C12orf42: variants seen among roughly 807,000 people sequenced by gnomAD.
C12orf42 encodes the protein uncharacterized protein C12orf42.
In C12orf42, 25 loss-of-function variants were observed where a neutral mutation model predicts 21.6. The ratio of observed to expected loss-of-function variants is 1.16; its 90% confidence interval spans 0.84 to 1.62. The LOEUF (loss-of-function observed/expected upper bound fraction) is 1.62, where lower values mean the gene tolerates loss of function less well. Among genes scored for constraint, C12orf42 ranks in the 40% most tolerant of loss-of-function variants. The pLI, the probability that C12orf42 is intolerant of heterozygous loss-of-function variation, is 0.00. For missense variants in C12orf42, 483 were observed against 459.3 expected, an observed-to-expected ratio of 1.05 and a Z score of -0.47; for synonymous variants, 174 against 175.0, an observed-to-expected ratio of 0.99 and a Z score of 0.05.
the C12orf42 span, among the ~76,000 whole-genome samples, chr12:103,171,658 G>C: frequency 6.6e-6 from 1 of 152,092 alleles, no homozygotes; most frequent in East Asian, 1.9e-4. Flanking sequence ...AGGCATTAGA[G>C]AGACAGTGGT....
chr12:103,173,244 A>G, the C12orf42 span, among the ~76,000 whole-genome samples: 1 of 152,142 alleles, frequency 6.6e-6, no homozygotes, highest in Non-Finnish European at 1.5e-5. Flanking sequence ...TATCCAGTTT[A>G]ATGTTTTTTA....
chr12:103,109,295 A>T, the C12orf42 span, among the ~76,000 whole-genome samples: 2 of 152,126 alleles, frequency 1.3e-5, no homozygotes, highest in Non-Finnish European at 2.9e-5. Flanking sequence ...CCATTTACAC[A>T]TATAGGAGAG....
At chr12:103,108,279 G>A in the C12orf42 span, among the ~76,000 whole-genome samples, 1 of 151,544 alleles carries the variant, frequency 6.6e-6, no homozygotes, top group Non-Finnish European at 1.5e-5. Flanking sequence ...TTTTAGAAAA[G>A]AGCAAAAAAG....
At chr12:103,296,299 T>C (rs1377029337) in intron 4 of C12orf42, among the ~76,000 whole-genome samples, 1 of 152,136 alleles carries the variant, frequency 6.6e-6, no homozygotes, top group African/African-American at 2.4e-5. Flanking sequence ...GTCTTTGCTA[T>C]TGTGAATAGT....
intron 4 of C12orf42, among the ~76,000 whole-genome samples, chr12:103,361,534 A>T (rs2044107187): frequency 6.6e-6 from 1 of 152,082 alleles, no homozygotes. Context: ...GCCAGAACTC[A>T]GAGGAGGGGA....
intron 2 of C12orf42, among the ~76,000 whole-genome samples, chr12:103,446,536 C>T (rs188760576): frequency 1.3e-5 from 2 of 151,990 alleles, no homozygotes; most frequent in African/African-American, 4.8e-5. Flanking sequence ...TGTAAATAGC[C>T]TAAATGCTCC....
At chr12:103,448,477 GA>G (rs1455124956) in intron 2 of C12orf42, among the ~76,000 whole-genome samples, 1 of 151,978 alleles carries the variant, frequency 6.6e-6, no homozygotes, top group Admixed American at 6.6e-5. Flanking sequence ...CAGAGCAAAA[GA>G]AATAATCAGC....
At chr12:103,207,441 C>G in the C12orf42 span, among the ~76,000 whole-genome samples, 1 of 152,202 alleles carries the variant, frequency 6.6e-6, no homozygotes, top group East Asian at 1.9e-4. Context: ...AAAATGCGTG[C>G]GCACACACGT....
chr12:103,136,828 A>G, the C12orf42 span, among the ~76,000 whole-genome samples: 1 of 152,212 alleles, frequency 6.6e-6, no homozygotes, highest in Non-Finnish European at 1.5e-5. Context: ...TTGGATTGCC[A>G]TATGCAAAAT....
At chr12:103,537,381 T>A in the C12orf42 span, among the ~76,000 whole-genome samples, 1 of 151,884 alleles carries the variant, frequency 6.6e-6, no homozygotes, top group African/African-American at 2.4e-5. Context: ...TCATATTCCA[T>A]GGAAGAAAGA....
intron 2 of C12orf42, among the ~76,000 whole-genome samples, chr12:103,426,118 A>G (rs1949788387): frequency 6.6e-6 from 1 of 152,228 alleles, no homozygotes; most frequent in South Asian, 2.1e-4. Context: ...AGCTTGATGA[A>G]TTGACAGAAG....
At chr12:103,518,663 T>C in the C12orf42 span, among the ~76,000 whole-genome samples, 1 of 152,158 alleles carries the variant, frequency 6.6e-6, no homozygotes, top group African/African-American at 2.4e-5. Context: ...TCACACTGTA[T>C]AGAGAAATGT....
the C12orf42 span, among the ~76,000 whole-genome samples, chr12:103,190,081 G>T: frequency 6.6e-6 from 1 of 152,072 alleles, no homozygotes. Context: ...GCAAATTGGG[G>T]CAAAAGAGAA....
intron 2 of C12orf42, among the ~76,000 whole-genome samples, chr12:103,402,035 G>A (rs1029773997): frequency 6.6e-6 from 1 of 152,176 alleles, no homozygotes; most frequent in African/African-American, 2.4e-5. Context: ...TACACCCTTT[G>A]CCATGTGACT....
the C12orf42 span, among the ~76,000 whole-genome samples, chr12:103,080,603 A>C: frequency 6.6e-6 from 1 of 152,176 alleles, no homozygotes; most frequent in Non-Finnish European, 1.5e-5. Flanking sequence ...TATTTTTTTA[A>C]TTATATGTGA....
intron 3 of C12orf42, among the ~76,000 whole-genome samples, chr12:103,377,480 C>T (rs188704011): frequency 6.6e-6 from 1 of 152,102 alleles, no homozygotes; most frequent in African/African-American, 2.4e-5. Flanking sequence ...AACACCAGCC[C>T]AAGAATGTAT....
intron 1 of C12orf42, among the ~76,000 whole-genome samples, chr12:103,494,897 G>A (rs759551803): frequency 6.6e-6 from 1 of 152,202 alleles, no homozygotes; most frequent in Non-Finnish European, 1.5e-5. Flanking sequence ...GGGCAGCACA[G>A]TTGTCACAGG....
intron 1 of C12orf42, among the ~76,000 whole-genome samples, chr12:103,490,794 T>C (rs922876453): frequency 2.6e-5 from 4 of 151,692 alleles, no homozygotes; most frequent in African/African-American, 9.7e-5. Flanking sequence ...TTATAAGGAG[T>C]AGTTTTATAA....
intron 10 of C12orf42, among the ~76,000 whole-genome samples, chr12:103,262,659 G>T (rs1312885952): frequency 6.6e-6 from 1 of 152,188 alleles, no homozygotes; most frequent in Non-Finnish European, 1.5e-5. Flanking sequence ...AACAACAGAT[G>T]CTGGAGAGGA....
Sources: gnomAD v4.1 joint callset for allele counts (sites outside exome capture counted in the v4.1 genomes callset) on GRCh38, gnomAD v4.1.1 for gene constraint, MANE v1.5 for transcripts, NCBI Gene and HGNC (gene_info 2026-07-23, HGNC 2026-07-21) for gene names.